Variants in SPECC1 observed in about 807,000 individuals in gnomAD.
The protein encoded by SPECC1 is cytospin-B.
In SPECC1, 62 loss-of-function variants were observed where a neutral mutation model predicts 104.1. The ratio of observed to expected loss-of-function variants is 0.60; its 90% confidence interval spans 0.49 to 0.74. The LOEUF (loss-of-function observed/expected upper bound fraction) is 0.74. SPECC1 is among the 30% of genes least tolerant of loss of function. The probability of loss-of-function intolerance (pLI) is 0.00; values close to 1 mark genes in which losing one functional copy is unlikely to be tolerated. For missense variants in SPECC1, 1,306 were observed against 1,310.5 expected (o/e 1.00, Z 0.05); for synonymous variants, 513 against 501.6 (o/e 1.02, Z -0.30).
At chr17:20,072,931 G>A (rs1274616015) in intron 1 of SPECC1, among the ~76,000 whole-genome samples, 1 of 151,964 alleles carries the variant, frequency 6.6e-6, no homozygotes, top group African/African-American at 2.4e-5. Flanking sequence ...AGTGTATTTG[G>A]TCCCTGTTGC....
Position 20,173,837 on chromosome 17 carries a change from C to G in SPECC1, c.284-30496C>G, listed in dbSNP as rs557930914. On this transcript the variant is annotated intron_variant, in intron 3 of 14. Transcript: ENST00000395527. ...ATTTTGGGCCTGAGTTCTCCACTTG[C>G]TGCAGTTTCTGCCAGCCCCTTTGTT... is the stretch of plus-strand genomic sequence containing the variant. 7.2e-5 allele frequency among the ~76,000 whole-genome samples: 11 copies of G among 152,064 alleles called. No individual in the cohort carries two copies. In the East Asian group the frequency reaches 2.1e-3, roughly 29 times the overall value.
chr17:20,122,905 T>C (rs2049107556), intron 3 of SPECC1, among the ~76,000 whole-genome samples: 1 of 152,210 alleles, frequency 6.6e-6, no homozygotes, highest in Non-Finnish European at 1.5e-5. Flanking sequence ...GGCCTATTTC[T>C]ACCTTTTGGC....
intron 3 of SPECC1, among the ~76,000 whole-genome samples, chr17:20,124,779 T>A (rs2049203236): frequency 6.6e-6 from 1 of 152,196 alleles, no homozygotes; most frequent in Non-Finnish European, 1.5e-5. Context: ...AGCCTACATT[T>A]GGGCAAAATC....
intron 1 of SPECC1, among the ~76,000 whole-genome samples, chr17:20,010,473 A>G (rs888123262): frequency 3.3e-5 from 5 of 152,082 alleles, no homozygotes; most frequent in Non-Finnish European, 7.4e-5. Context: ...AAGATGGGGG[A>G]GGAGGGAGGA....
intron 1 of SPECC1, among the ~76,000 whole-genome samples, chr17:20,082,631 T>G (rs1051191741): frequency 6.6e-6 from 1 of 152,112 alleles, no homozygotes; most frequent in African/African-American, 2.4e-5. Flanking sequence ...ATATTCACCT[T>G]GTATCTTCAC....
chr17:20,038,301 G>C lies in SPECC1; in HGVS notation c.-22+28877G>C, dbSNP rs566353732. 8.7e-5 allele frequency among the ~76,000 whole-genome samples: 12 copies of C among 137,290 alleles called. No homozygotes were observed. In the South Asian group the frequency reaches 2.3e-3, roughly 27 times the overall value. The allele number at this position is 137,290 out of a possible 152,430, so 90.1% of individuals were successfully genotyped here. On this transcript the variant is annotated intron_variant, in intron 1 of 14. Transcript: ENST00000395527. ...TCTGTGTTCTTGAGATGGGAGTGGA[G>C]ACTATTGATTTGAAACTTTTTCTCT...
chr17:20,105,331 G>A (rs950315281), intron 2 of SPECC1, among the ~76,000 whole-genome samples: 1 of 152,220 alleles, frequency 6.6e-6, no homozygotes, highest in African/African-American at 2.4e-5. Context: ...CTGACCTCAA[G>A]TGATTGTCTT....
chr17:20,249,895 A>G (rs2039558492), intron 9 of SPECC1, among the ~76,000 whole-genome samples: 1 of 152,184 alleles, frequency 6.6e-6, no homozygotes, highest in Non-Finnish European at 1.5e-5. Context: ...TGGAAGGGAT[A>G]ATGATCAAGA....
At chr17:20,175,384 C>G (rs2034403566) in intron 3 of SPECC1, among the ~76,000 whole-genome samples, 1 of 152,202 alleles carries the variant, frequency 6.6e-6, no homozygotes, top group African/African-American at 2.4e-5. Context: ...TTGTTTACTG[C>G]AAGTTTTCTT....
intron 12 of SPECC1, among the ~76,000 whole-genome samples, chr17:20,290,886 C>T (rs931663601): frequency 3.9e-5 from 6 of 152,112 alleles, no homozygotes; most frequent in Admixed American, 6.6e-5. Context: ...GTTGAGCTTC[C>T]GGATCCATCT....
chr17:20,084,023 A>T (rs967284344), intron 1 of SPECC1, among the ~76,000 whole-genome samples: 1 of 152,176 alleles, frequency 6.6e-6, no homozygotes, highest in Non-Finnish European at 1.5e-5. Flanking sequence ...TTGCCATCCA[A>T]ATATCTTGTG....
chr17:20,206,439 C>A (rs1375850003), intron 4 of SPECC1, among the ~76,000 whole-genome samples: 1 of 152,174 alleles, frequency 6.6e-6, no homozygotes, highest in Non-Finnish European at 1.5e-5. Context: ...GTGTATCATA[C>A]AAGTTACACA....
intron 10 of SPECC1, 50 bp downstream of exon 10, chr17:20,253,636 A>G: frequency 6.4e-7 from 1 of 1,556,508 alleles, no homozygotes; most frequent in African/African-American, 1.4e-5. Context: ...CCGTGCAGTT[A>G]ACTTTTCTTC....
At chr17:20,041,058 T>C (rs1300326851) in intron 1 of SPECC1, among the ~76,000 whole-genome samples, 1 of 151,966 alleles carries the variant, frequency 6.6e-6, no homozygotes, top group Non-Finnish European at 1.5e-5. Context: ...CTCCTGCTGC[T>C]CCTCTTTTTT....
At chr17:20,083,067 C>A (rs1183565005) in intron 1 of SPECC1, among the ~76,000 whole-genome samples, 1 of 111,258 alleles carries the variant, frequency 9.0e-6, no homozygotes, top group East Asian at 2.0e-4. Context: ...CTGTATTATT[C>A]TTTGAGTCCT....
Position 20,084,953 on chromosome 17 carries a change from G to A in SPECC1, c.-21-11678G>A, listed in dbSNP as rs566931624. Among the ~76,000 whole-genome samples the A allele has an allele frequency of 2.0e-5, 3 of 152,352 alleles. No homozygotes were observed. In the East Asian group the frequency reaches 5.8e-4, roughly 29 times the overall value. ...CTGATAAGCCTGGGTCCAGGGTGCT[G>A]TGGACACACTGTGGTGTGGAAGCAG... On this transcript the variant is annotated intron_variant, in intron 1 of 14. Coordinates refer to ENST00000395527, the MANE Select transcript of SPECC1 (RefSeq NM_001243439.2).
At chr17:20,287,101 C>A (rs1375472283) in intron 12 of SPECC1, among the ~76,000 whole-genome samples, 1 of 152,220 alleles carries the variant, frequency 6.6e-6, no homozygotes, top group Non-Finnish European at 1.5e-5. Context: ...TGTACGTGGT[C>A]TGCAAGGGAA....
intron 1 of SPECC1, among the ~76,000 whole-genome samples, chr17:20,030,767 G>A (rs1333985117): frequency 6.6e-6 from 1 of 151,986 alleles, no homozygotes; most frequent in East Asian, 1.9e-4. Flanking sequence ...TTTCTTCTAA[G>A]GCAACAAATT....
intron 1 of SPECC1, among the ~76,000 whole-genome samples, chr17:20,082,828 G>A (rs892890331): frequency 1.3e-5 from 2 of 152,018 alleles, no homozygotes; most frequent in African/African-American, 4.8e-5. Context: ...GGAGTGGCGG[G>A]GAGGGACACA....
Sources: allele counts gnomAD v4.1 joint callset (sites outside exome capture counted in the v4.1 genomes callset), GRCh38; gene constraint gnomAD v4.1.1; transcripts MANE v1.5; gene names NCBI Gene and HGNC (gene_info 2026-07-23, HGNC 2026-07-21).